The following CDH26 variants were observed in gnomAD, a reference collection of about 807,000 sequenced individuals.
CDH26 encodes the protein cadherin 26.
A neutral mutation model predicts 90.3 loss-of-function variants in CDH26; 83 were observed. That is an observed-to-expected ratio of 0.92 (90% CI 0.77 to 1.10). CDH26 has a LOEUF of 1.10. CDH26 is among the 50% of genes least tolerant of loss of function. CDH26 has a pLI of 0.00. For synonymous variants in CDH26, 397 were observed against 396.3 expected (o/e 1.00, Z -0.02); for missense variants, 1,013 against 1,037.6 (o/e 0.98, Z 0.33).
intron 1 of CDH26, among the ~76,000 whole-genome samples, chr20:59,962,627 T>G (rs544929884): frequency 9.0e-4 from 137 of 152,244 alleles, no homozygotes; most frequent in Non-Finnish European, 1.6e-3. Flanking sequence ...CCAAATAAGG[T>G]CCCGTTCACA....
chr20:60,009,190 C>T lies in CDH26; in HGVS notation c.2295+2403C>T, dbSNP rs543872946. Among the ~76,000 whole-genome samples, 6 of 152,230 alleles carry T rather than the reference C, an allele frequency of 3.9e-5. 1 individual carries two copies. The South Asian group carries it at 8.3e-4, about 21-fold the overall frequency. On this transcript the variant is annotated intron_variant, in intron 17 of 17. Coordinates refer to ENST00000348616, the MANE Select transcript of CDH26 (RefSeq NM_177980.4). The stretch of plus-strand genomic sequence containing the variant: ...ACAAGTTGCTCCAATGGTAAAGGCA[C>T]GAGGGACAGAGCCAGAAATGGGGCA...
chr20:60,020,686 T>C (rs1367040055), intron 7 of CDH26, among the ~76,000 whole-genome samples: 3 of 152,144 alleles, frequency 2.0e-5, no homozygotes, highest in African/African-American at 4.8e-5. Context: ...AGAATGGTGC[T>C]GTCCTGCAGT....
intron 7 of CDH26, among the ~76,000 whole-genome samples, chr20:60,024,655 G>A (rs1264912140): frequency 6.6e-6 from 1 of 152,220 alleles, no homozygotes; most frequent in African/African-American, 2.4e-5. Context: ...GGGGGCAAGA[G>A]ATGAGCATGT....
At chr20:60,022,492 C>T (rs1209701871) in intron 7 of CDH26, among the ~76,000 whole-genome samples, 4 of 152,214 alleles carry the variant, frequency 2.6e-5, no homozygotes, top group Non-Finnish European at 5.9e-5. Flanking sequence ...TTACTAAACA[C>T]AGCAGATACC....
At chr20:59,983,605 T>A (rs1345134886) in intron 5 of CDH26, among the ~76,000 whole-genome samples, 1 of 152,240 alleles carries the variant, frequency 6.6e-6, no homozygotes. Flanking sequence ...AGTGTTTCAG[T>A]TTGTATTCTT....
chr20:60,023,573 A>G (rs1231574387), intron 7 of CDH26, among the ~76,000 whole-genome samples: 1 of 152,178 alleles, frequency 6.6e-6, no homozygotes, highest in Non-Finnish European at 1.5e-5. Context: ...TGTTAAAAAA[A>G]AAAAAGCATT....
At chr20:59,988,799 G>A (rs1162601308) in intron 8 of CDH26, 105 bp from the exon 9 acceptor site, 5 of 1,245,694 alleles carry the variant, frequency 4.0e-6, no homozygotes, top group Non-Finnish European at 4.5e-6. Context: ...AATAAATGAA[G>A]TGCAAAAGCC....
intron 3 of CDH26, 102 bp downstream of exon 3, chr20:59,970,288 G>T: frequency 6.8e-7 from 1 of 1,474,850 alleles, no homozygotes. Context: ...TGCTAGTGAG[G>T]CCAGGGAGTG....
In CDH26 at chr20:59,963,858, T is replaced by TA. The variant is rs997396920; in HGVS notation, c.69+5075dup. Among the ~76,000 whole-genome samples the TA allele has an allele frequency of 3.7e-3, 517 of 139,776 alleles. No individual in the cohort carries two copies. In the East Asian group the frequency reaches 0.039, roughly 11 times the overall value. 91.7% of individuals were successfully genotyped at this position (139,776 alleles called of 152,430 possible). A position where few individuals can be genotyped will look rare whatever the true frequency, so the allele number is the denominator to read the frequency against. ...AGAGGCTTTCCTCATCATCCAAAAA[T>TA]AAAAAAAAAAAAGAGGCTTTCCTCA... On this transcript the variant is annotated intron_variant, in intron 1 of 17. Transcript: ENST00000348616.
At chr20:60,035,236 G>A (rs1436077962), downstream of CDH26, among the ~76,000 whole-genome samples, 4 of 152,214 alleles carry the variant, frequency 2.6e-5, no homozygotes, top group African/African-American at 9.6e-5. Flanking sequence ...ACAACAAACA[G>A]TCCTGCTGAG....
intron 14 of CDH26, among the ~76,000 whole-genome samples, chr20:60,000,125 T>C (rs749998191): frequency 3.3e-5 from 5 of 152,146 alleles, no homozygotes; most frequent in African/African-American, 7.2e-5. Context: ...TAGGGCACAA[T>C]GACTGGGTGG....
intron 15 of CDH26, among the ~76,000 whole-genome samples, chr20:60,002,609 A>G (rs968145562): frequency 6.6e-6 from 1 of 152,096 alleles, no homozygotes; most frequent in Non-Finnish European, 1.5e-5. Flanking sequence ...TAGAGCTTGC[A>G]AATCTAATAT....
chr20:60,021,859 C>CACACACACACACACACACACAT lies in CDH26; in HGVS notation c.948-9351_948-9350insTACACACACACACACACACACA, dbSNP rs1569068556. On this transcript the variant is annotated intron_variant, in intron 7 of 8. Coordinates refer to the CDH26 transcript ENST00000370991. ...CGATATCCTTATCTGTACACACACA[C>CACACACACACACACACACACAT]ACACACACACACACACACACACACA... 1.9e-3 allele frequency among the ~76,000 whole-genome samples: 130 copies of CACACACACACACACACACACAT among 68,200 alleles called. 4 individuals are homozygous for CACACACACACACACACACACAT. Among genetic ancestry groups the CACACACACACACACACACACAT allele is most frequent in the Non-Finnish European group, 3.1e-3 (89 of 28,938 alleles). 44.7% of individuals were successfully genotyped at this position (68,200 alleles called of 152,430 possible).
At chr20:60,000,300 G>A (rs1422703523) in intron 14 of CDH26, among the ~76,000 whole-genome samples, 1 of 152,210 alleles carries the variant, frequency 6.6e-6, no homozygotes, top group Non-Finnish European at 1.5e-5. Flanking sequence ...ATTTAAAATT[G>A]TTTCCCAAGT....
At chr20:60,027,961 G>A (rs1405648668) in intron 7 of CDH26, among the ~76,000 whole-genome samples, 2 of 152,118 alleles carry the variant, frequency 1.3e-5, no homozygotes, top group Admixed American at 6.5e-5. Context: ...TTTCTCTCAG[G>A]GTAACATCTG....
chr20:60,020,186 C>T (rs899284519), intron 7 of CDH26, among the ~76,000 whole-genome samples: 2 of 152,134 alleles, frequency 1.3e-5, no homozygotes, highest in Admixed American at 1.3e-4. Flanking sequence ...GCTTGGCTGA[C>T]CTGGGATCAT....
At chr20:59,985,246 C>A in intron 7 of CDH26, 117 bp downstream of exon 7, 1 of 1,189,188 alleles carries the variant, frequency 8.4e-7, no homozygotes, top group South Asian at 1.4e-5. Context: ...TGAAGAAATA[C>A]CTCAGACTGG....
Position 59,989,026 on chromosome 20 carries a change from T to C in CDH26, c.1146T>C (p.Thr382=), listed in dbSNP as rs1224107906. The C allele has an allele frequency of 5.6e-6, 9 of 1,614,180 alleles. No homozygotes were observed. Among genetic ancestry groups the C allele is most frequent in the Non-Finnish European group, 7.6e-6 (9 of 1,180,026 alleles). Reference sequence around the variant, plus strand: ...CAAGGAAGGCAGCAGCCAGCGCCACTGTGAGTGTGCAGGTGACAGACGCCA... The same window carrying C: ...CAAGGAAGGCAGCAGCCAGCGCCACCGTGAGTGTGCAGGTGACAGACGCCA... ...QPPRKAAASA[T]VSVQVTDAND... Residue 382 remains threonine, a synonymous_variant, in exon 9 of 18, where the codon ACT becomes ACC. Transcript: ENST00000348616.
downstream of CDH26, among the ~76,000 whole-genome samples, chr20:60,017,392 C>T (rs577581613): frequency 1.0e-3 from 155 of 151,920 alleles, no homozygotes; most frequent in South Asian, 2.3e-3. Context: ...TCAAATTTAC[C>T]GGCATATAGT....
Sources: allele counts gnomAD v4.1 joint callset (sites outside exome capture counted in the v4.1 genomes callset), GRCh38; gene constraint gnomAD v4.1.1; transcripts MANE v1.5; gene names NCBI Gene and HGNC (gene_info 2026-07-23, HGNC 2026-07-21).